The following AGBL4 variants were observed in gnomAD, a reference collection of about 807,000 sequenced individuals.
The protein encoded by AGBL4 is cytosolic carboxypeptidase 6.
A neutral mutation model predicts 66.4 loss-of-function variants in AGBL4; 58 were observed. That is an observed-to-expected ratio of 0.87 (90% confidence interval 0.71 to 1.09). AGBL4 has a LOEUF of 1.09. AGBL4 is among the 50% of genes least tolerant of loss of function. The pLI is 0.00. For synonymous variants in AGBL4, 234 were observed against 222.9 expected (o/e 1.05, Z -0.44); for missense variants, 579 against 631.0 (o/e 0.92, Z 0.88).
At position 48,948,983 on chromosome 1, in the gene AGBL4, G is replaced by A. The variant is rs189653142; in HGVS notation, c.595-81753C>T. ...TGTGTTACAGTATGCTAAAGTGGAC[G>A]TTTCATCTGAGGAACCAGGAAATTA... On this transcript the variant is annotated intron_variant, in intron 5 of 13. Coordinates refer to ENST00000371839, the MANE Select transcript of AGBL4 (RefSeq NM_032785.4). Among the ~76,000 whole-genome samples, 77 of 152,292 alleles carry A rather than the reference G, an allele frequency of 5.1e-4. 1 individual carries two copies. In the South Asian group the frequency reaches 9.5e-3, roughly 19 times the overall value.
rs1650797757 is a variant in AGBL4, at chr1:49,744,159, T to C, written c.158-46722A>G. ...AAACTCCTAAATGTTAGAGGTGGCATGTGGATTGGAGGTGGTTGGATCATG... is the reference window on the plus strand; with the variant it reads ...AAACTCCTAAATGTTAGAGGTGGCACGTGGATTGGAGGTGGTTGGATCATG... On this transcript the variant is annotated intron_variant, in intron 2 of 13. Coordinates refer to ENST00000371839, the MANE Select transcript of AGBL4 (RefSeq NM_032785.4). 2.0e-5 allele frequency among the ~76,000 whole-genome samples: 3 copies of C among 152,294 alleles called. No individual in the cohort carries two copies. The South Asian group carries it at 6.2e-4, about 32-fold the overall frequency.
chr1:49,558,522 G>C (rs1427317769), intron 3 of AGBL4, among the ~76,000 whole-genome samples: 1 of 152,104 alleles, frequency 6.6e-6, no homozygotes, highest in Non-Finnish European at 1.5e-5. Flanking sequence ...TGTATTTTTA[G>C]TAGAGATGGG....
intron 3 of AGBL4, among the ~76,000 whole-genome samples, chr1:49,247,102 G>A (rs1651706303): frequency 6.6e-6 from 1 of 151,814 alleles, no homozygotes; most frequent in South Asian, 2.1e-4. Context: ...TTGAATTCAG[G>A]GGATAAACAG....
chr1:48,539,563 A>G, intron 12 of AGBL4, 79 bp downstream of exon 12: 5 of 1,176,240 alleles, frequency 4.3e-6, no homozygotes, highest in Non-Finnish European at 5.7e-6. Flanking sequence ...GAGTGTCAGC[A>G]AAAGGCTAAG....
At chr1:48,651,897 C>T (rs1323560067) in intron 8 of AGBL4, among the ~76,000 whole-genome samples, 2 of 152,244 alleles carry the variant, frequency 1.3e-5, no homozygotes, top group Non-Finnish European at 2.9e-5. Flanking sequence ...TCTCATCTCT[C>T]ATATTCATCA....
chr1:49,526,595 T>A (rs1381401225), intron 3 of AGBL4, among the ~76,000 whole-genome samples: 1 of 151,996 alleles, frequency 6.6e-6, no homozygotes, highest in Non-Finnish European at 1.5e-5. Flanking sequence ...CAGTCTCCAG[T>A]GGCTTTGCAT....
chr1:49,348,605 G>A (rs1416151978), intron 3 of AGBL4, among the ~76,000 whole-genome samples: 2 of 152,200 alleles, frequency 1.3e-5, no homozygotes. Context: ...AATGTTTTCT[G>A]TCCCAGAGCC....
chr1:49,165,500 G>A (rs920576454), intron 4 of AGBL4, among the ~76,000 whole-genome samples: 5 of 152,066 alleles, frequency 3.3e-5, no homozygotes, highest in South Asian at 2.1e-4. Context: ...AGCTGTTGTC[G>A]GGGATATTCC....
intron 3 of AGBL4, among the ~76,000 whole-genome samples, chr1:49,393,325 T>C (rs930751169): frequency 6.6e-6 from 1 of 152,146 alleles, no homozygotes; most frequent in Non-Finnish European, 1.5e-5. Context: ...GTTAGGCCAA[T>C]TGAGTCACAT....
chr1:49,959,633 C>T (rs1311201023), intron 1 of AGBL4, among the ~76,000 whole-genome samples: 1 of 151,974 alleles, frequency 6.6e-6, no homozygotes, highest in Non-Finnish European at 1.5e-5. Flanking sequence ...GGCAATTCCT[C>T]GAAGAACTTA....
chr1:48,726,737 C>A (rs961626416), intron 6 of AGBL4, among the ~76,000 whole-genome samples: 4 of 152,304 alleles, frequency 2.6e-5, no homozygotes, highest in African/African-American at 7.2e-5. Context: ...TAATGGATGA[C>A]CCATTAGAGA....
At chr1:48,535,224 C>T (rs182511970) in intron 12 of AGBL4, among the ~76,000 whole-genome samples, 6 of 152,126 alleles carry the variant, frequency 3.9e-5, no homozygotes, top group African/African-American at 7.2e-5. Flanking sequence ...GATGGGGACA[C>T]GAGAGAGCAA....
chr1:49,049,425 T>A (rs1164080756), intron 4 of AGBL4, among the ~76,000 whole-genome samples: 1 of 152,156 alleles, frequency 6.6e-6, no homozygotes, highest in Non-Finnish European at 1.5e-5. Flanking sequence ...ATTTTTATCA[T>A]CTAGTTTGTC....
chr1:49,019,041 T>A (rs1348215233), intron 5 of AGBL4, among the ~76,000 whole-genome samples: 1 of 152,168 alleles, frequency 6.6e-6, no homozygotes, highest in Non-Finnish European at 1.5e-5. Flanking sequence ...TTCGAGAAGA[T>A]ACACAGTGAC....
intron 1 of AGBL4, among the ~76,000 whole-genome samples, chr1:49,888,506 A>G (rs1571809045): frequency 1.3e-5 from 2 of 152,334 alleles, no homozygotes; most frequent in Admixed American, 6.5e-5. Flanking sequence ...ATTTGTCTAT[A>G]CAACCACTAC....
chr1:49,015,075 G>T (rs932349867), intron 5 of AGBL4, among the ~76,000 whole-genome samples: 1 of 152,114 alleles, frequency 6.6e-6, no homozygotes, highest in Admixed American at 6.5e-5. Context: ...AATCTACTGC[G>T]TAGGACTATT....
intron 3 of AGBL4, among the ~76,000 whole-genome samples, chr1:49,642,862 C>T (rs1349658334): frequency 1.3e-5 from 2 of 151,854 alleles, no homozygotes; most frequent in Non-Finnish European, 2.9e-5. Flanking sequence ...TGGAATGAAG[C>T]TCAAAAATAC....
At chr1:48,764,672 C>T (rs1644445011) in intron 6 of AGBL4, among the ~76,000 whole-genome samples, 1 of 152,178 alleles carries the variant, frequency 6.6e-6, no homozygotes, top group South Asian at 2.1e-4. Context: ...ACCTGGATTC[C>T]AAGTCCAGTT....
chr1:48,645,855 G>T (rs1645826574), intron 8 of AGBL4, among the ~76,000 whole-genome samples: 2 of 152,094 alleles, frequency 1.3e-5, no homozygotes, highest in Non-Finnish European at 2.9e-5. Flanking sequence ...CACGTTCAGA[G>T]GACAGCGGGA....
Sources: allele counts gnomAD v4.1 joint callset (sites outside exome capture counted in the v4.1 genomes callset), GRCh38; gene constraint gnomAD v4.1.1; transcripts MANE v1.5; gene names NCBI Gene and HGNC (gene_info 2026-07-23, HGNC 2026-07-21).